LRRC4C: variants seen among roughly 807,000 people sequenced by gnomAD.
LRRC4C encodes leucine-rich repeat-containing protein 4C.
Under a neutral mutation model 33.6 loss-of-function variants are expected in LRRC4C, and 5 were observed. The ratio of observed to expected loss-of-function variants is 0.15; its 90% CI spans 0.08 to 0.31. LRRC4C has a LOEUF of 0.31. LRRC4C is among the 10% of genes least tolerant of loss of function. The probability of loss-of-function intolerance (pLI) is 1.00; values close to 1 mark genes in which losing one functional copy is unlikely to be tolerated. For synonymous variants in LRRC4C, 329 were observed against 302.0 expected (o/e 1.09, Z -0.93); for missense variants, 560 against 796.7 (o/e 0.70, Z 3.58).
intron 1 of LRRC4C, among the ~76,000 whole-genome samples, chr11:41,113,691 G>C (rs1436362513): frequency 1.3e-5 from 2 of 151,980 alleles, no homozygotes; most frequent in Admixed American, 1.3e-4. Context: ...ACTGAAATCA[G>C]CACCAAGTTT....
chr11:40,859,859 G>A (rs10837511), intron 2 of LRRC4C, among the ~76,000 whole-genome samples: 78,395 of 151,540 alleles, frequency 0.52, 24,430 homozygotes, highest in Non-Finnish European at 0.68. Flanking sequence ...GGCGGATCGC[G>A]AGGTCAGGAG....
chr11:41,227,091 G>T (rs1169611712), intron 1 of LRRC4C, among the ~76,000 whole-genome samples: 1 of 151,930 alleles, frequency 6.6e-6, no homozygotes, highest in African/African-American at 2.4e-5. Flanking sequence ...ACTGTCACCA[G>T]CATGTGAAAC....
chr11:41,234,475 C>T (rs547965191), intron 1 of LRRC4C, among the ~76,000 whole-genome samples: 60 of 151,872 alleles, frequency 4.0e-4, no homozygotes, highest in African/African-American at 1.3e-3. Flanking sequence ...TTAACTTATT[C>T]CTCCTAACTG....
intron 2 of LRRC4C, among the ~76,000 whole-genome samples, chr11:40,794,046 G>A (rs2135191778): frequency 6.6e-6 from 1 of 151,876 alleles, no homozygotes; most frequent in African/African-American, 2.4e-5. Context: ...TTTTCTTTGT[G>A]AGATCTCTGA....
In LRRC4C at chr11:40,115,509, C is replaced by A; in HGVS notation, c.784G>T (p.Ala262Ser). ...QSQIQVIERN[A>S]FDNLQSLVEI... ...ACTAGTGACTGAAGGTTGTCAAAGGCATTCCGTTCAATCACTTGAATCTGG... is the reference window on the plus strand; with the variant it reads ...ACTAGTGACTGAAGGTTGTCAAAGGAATTCCGTTCAATCACTTGAATCTGG... The change falls in exon 7 of 7, where the codon GCC (alanine) becomes TCC (serine). Residue 262 changes from alanine (A) to serine (S), a missense_variant. Physicochemically the swap from Ala to Ser is moderately conservative, Grantham distance 99. This residue lies in a region of LRRC4C where 455 missense variants were observed against 643.8 expected (regional missense o/e 0.71). Coordinates refer to ENST00000528697, the MANE Select transcript of LRRC4C (RefSeq NM_001258419.2). This position sits in a 1 kb window ranked among gnomAD's most constrained non-coding sequence, Gnocchi z 6.7. 1 of 1,614,190 alleles carries A rather than the reference C, an allele frequency of 6.2e-7. No individual in the cohort carries two copies. The highest frequency in any genetic ancestry group is 2.2e-5 in the East Asian group (1 of 44,874).
intron 2 of LRRC4C, among the ~76,000 whole-genome samples, chr11:40,781,949 C>CA (rs1466692252): frequency 4.6e-5 from 7 of 152,158 alleles, no homozygotes; most frequent in Non-Finnish European, 1.0e-4. Context: ...CAGTGGAATA[C>CA]AAAAAATGCC....
intron 1 of LRRC4C, among the ~76,000 whole-genome samples, chr11:41,094,117 G>A (rs1273176086): frequency 1.4e-5 from 2 of 147,232 alleles, no homozygotes; most frequent in African/African-American, 5.0e-5. Context: ...CTCCGTATCG[G>A]GGGAAAAAAA....
chr11:40,779,592 C>A (rs552502590), intron 2 of LRRC4C, among the ~76,000 whole-genome samples: 3 of 152,196 alleles, frequency 2.0e-5, no homozygotes, highest in Admixed American at 1.3e-4. Flanking sequence ...TCAAATATTT[C>A]TATTTCTCTT....
intron 2 of LRRC4C, among the ~76,000 whole-genome samples, chr11:40,678,172 T>C (rs1944501677): frequency 1.3e-5 from 2 of 151,872 alleles, no homozygotes; most frequent in Admixed American, 1.3e-4. Flanking sequence ...TTAGGAGGTA[T>C]AAGTACTGGT....
intron 3 of LRRC4C, among the ~76,000 whole-genome samples, chr11:40,596,584 C>G (rs1423614445): frequency 6.6e-6 from 1 of 151,866 alleles, no homozygotes; most frequent in African/African-American, 2.4e-5. Flanking sequence ...ACGCTTCAAC[C>G]ATCCCCACTT....
At chr11:41,293,125 A>T (rs1950037002) in intron 1 of LRRC4C, among the ~76,000 whole-genome samples, 1 of 152,224 alleles carries the variant, frequency 6.6e-6, no homozygotes, top group Admixed American at 6.5e-5. Context: ...ATATATTAAG[A>T]GGAAAAAATC....
At chr11:41,202,418 G>A (rs1366559894) in intron 1 of LRRC4C, among the ~76,000 whole-genome samples, 1 of 152,096 alleles carries the variant, frequency 6.6e-6, no homozygotes, top group Admixed American at 6.5e-5. Flanking sequence ...AGCTCTTTTT[G>A]TATTAACTAC....
At chr11:40,198,179 GT>G (rs1862420429) in intron 5 of LRRC4C, among the ~76,000 whole-genome samples, 1 of 152,156 alleles carries the variant, frequency 6.6e-6, no homozygotes, top group African/African-American at 2.4e-5. Context: ...ACGGACAAGT[GT>G]TAAATGTTTG....
intron 4 of LRRC4C, among the ~76,000 whole-genome samples, chr11:40,245,285 T>A (rs1040499892): frequency 1.3e-5 from 2 of 152,208 alleles, no homozygotes; most frequent in African/African-American, 4.8e-5. Context: ...TCTCTTAGAT[T>A]TTACTCTATT....
intron 3 of LRRC4C, among the ~76,000 whole-genome samples, chr11:40,452,574 CT>C (rs1951937991): frequency 6.6e-6 from 1 of 152,226 alleles, no homozygotes; most frequent in Non-Finnish European, 1.5e-5. Context: ...CACTTTTACA[CT>C]GTTGGTGGGA....
At chr11:41,185,380 G>GGATAAGAC (rs1945647672) in intron 1 of LRRC4C, among the ~76,000 whole-genome samples, 3 of 152,054 alleles carry the variant, frequency 2.0e-5, no homozygotes, top group Admixed American at 2.0e-4. Context: ...AAAGGACTTT[G>GGATAAGAC]GATAAGACAA....
At chr11:41,055,750 C>T (rs560017157) in intron 1 of LRRC4C, among the ~76,000 whole-genome samples, 3 of 151,908 alleles carry the variant, frequency 2.0e-5, no homozygotes, top group Non-Finnish European at 4.4e-5. Context: ...ATAAAATATG[C>T]TACAGTAAAG....
At chr11:40,843,329 CCT>C (rs745971423) in intron 2 of LRRC4C, among the ~76,000 whole-genome samples, 36 of 152,126 alleles carry the variant, frequency 2.4e-4, no homozygotes, top group Non-Finnish European at 1.0e-4. Context: ...ACTGGGAACT[CCT>C]CGCAGGCATC....
At chr11:40,800,611 G>T (rs1951002304) in intron 2 of LRRC4C, among the ~76,000 whole-genome samples, 1 of 152,064 alleles carries the variant, frequency 6.6e-6, no homozygotes, top group South Asian at 2.1e-4. Context: ...TCTGTATTTT[G>T]AAGGGTTGAG....
Sources: allele counts gnomAD v4.1 joint callset (sites outside exome capture counted in the v4.1 genomes callset), GRCh38; gene constraint gnomAD v4.1.1; regional missense constraint gnomAD v4.1.1; non-coding constraint Gnocchi (gnomAD v3.1); transcripts MANE v1.5; gene names NCBI Gene and HGNC (gene_info 2026-07-23, HGNC 2026-07-21).